Variants in ZNF804A observed in about 807,000 individuals in gnomAD.
The protein encoded by ZNF804A is zinc finger protein 804A.
ZNF804A carries 2 observed loss-of-function variants against 16.5 expected under a neutral mutation model. The ratio of observed to expected loss-of-function variants is 0.12; its 90% CI spans 0.05 to 0.38. The LOEUF (loss-of-function observed/expected upper bound fraction) is 0.38, where lower values mean the gene tolerates loss of function less well. ZNF804A is among the 10% of genes least tolerant of loss of function. The pLI, the probability that ZNF804A is intolerant of heterozygous loss-of-function variation, is 0.99. For synonymous variants in ZNF804A, 534 were observed against 489.6 expected (o/e 1.09, Z -1.20); for missense variants, 1,473 against 1,390.7 (o/e 1.06, Z -0.94).
rs138445107 is a variant in ZNF804A, at chr2:184,659,671, A to G, written c.111+60601A>G. ...ATGGGACTAGGAGCAAAACTCAGGC[A>G]TGGCTGACCCCAAAAGCCATGTTCT... On this transcript the variant is annotated intron_variant, in intron 1 of 3. Transcript: ENST00000302277. Among the ~76,000 whole-genome samples, 332 of 152,302 alleles carry G rather than the reference A, an allele frequency of 2.2e-3. 1 individual carries two copies. Among genetic ancestry groups the G allele is most frequent in the Non-Finnish European group, 3.8e-3 (256 of 68,024 alleles).
rs183758460 is a variant in ZNF804A, at chr2:184,900,836, A to T, written c.256-32767A>T. Reference sequence around the variant, plus strand: ...TACTGCCAGTGCTCCCAAGGGGGGTAATACACATCTGTCTGTATCCAAACA... The same window carrying T: ...TACTGCCAGTGCTCCCAAGGGGGGTTATACACATCTGTCTGTATCCAAACA... On this transcript the variant is annotated intron_variant, in intron 2 of 3. Transcript: ENST00000302277. 3.1e-4 allele frequency among the ~76,000 whole-genome samples: 47 copies of T among 152,268 alleles called. 1 individual carries two copies. Among genetic ancestry groups the T allele is most frequent in the South Asian group, 2.7e-3 (13 of 4,822 alleles).
At chr2:184,883,055 A>G (rs1335165830) in intron 2 of ZNF804A, among the ~76,000 whole-genome samples, 2 of 152,142 alleles carry the variant, frequency 1.3e-5, no homozygotes, top group Admixed American at 1.3e-4. Context: ...AAAGAAAAAC[A>G]GAGAGAAGAT....
chr2:184,816,070 A>G (rs1028122605), intron 1 of ZNF804A, among the ~76,000 whole-genome samples: 1 of 152,078 alleles, frequency 6.6e-6, no homozygotes, highest in Non-Finnish European at 1.5e-5. Flanking sequence ...ATCTTTCATC[A>G]TTCCATTTTC....
intron 2 of ZNF804A, among the ~76,000 whole-genome samples, chr2:184,930,060 A>C (rs184590753): frequency 8.5e-5 from 13 of 152,290 alleles, no homozygotes; most frequent in Admixed American, 4.6e-4. Context: ...ACACACAATG[A>C]AAGTAAAAAT....
At chr2:184,926,037 A>G (rs913579957) in intron 2 of ZNF804A, among the ~76,000 whole-genome samples, 1 of 152,030 alleles carries the variant, frequency 6.6e-6, no homozygotes, top group Non-Finnish European at 1.5e-5. Context: ...TAGTTTATAC[A>G]CCACTGTTAC....
intron 1 of ZNF804A, among the ~76,000 whole-genome samples, chr2:184,649,822 C>T (rs1457054106): frequency 7.6e-6 from 1 of 131,146 alleles, no homozygotes; most frequent in South Asian, 2.8e-4. Context: ...AAAAAACCTA[C>T]AAATCAACCA....
intron 1 of ZNF804A, among the ~76,000 whole-genome samples, chr2:184,823,303 T>C (rs560373140): frequency 6.6e-6 from 1 of 152,222 alleles, no homozygotes; most frequent in South Asian, 2.1e-4. Context: ...CCCACATGAT[T>C]TAACACCTCC....
At chr2:184,792,406 A>G (rs1292423960) in intron 1 of ZNF804A, among the ~76,000 whole-genome samples, 1 of 152,152 alleles carries the variant, frequency 6.6e-6, no homozygotes, top group Non-Finnish European at 1.5e-5. Flanking sequence ...AATTCCGTAA[A>G]GACATATGAT....
chr2:184,719,598 T>A (rs1044495912), intron 1 of ZNF804A, among the ~76,000 whole-genome samples: 1 of 152,150 alleles, frequency 6.6e-6, no homozygotes, highest in Admixed American at 6.5e-5. Context: ...ATACCCTAAA[T>A]CATCTCTCTC....
At chr2:184,753,539 T>C (rs1281300055) in intron 1 of ZNF804A, among the ~76,000 whole-genome samples, 1 of 151,802 alleles carries the variant, frequency 6.6e-6, no homozygotes, top group Non-Finnish European at 1.5e-5. Flanking sequence ...CTGTCTTGGA[T>C]GGCCTGTGAT....
chr2:184,898,854 A>G (rs999806071), intron 2 of ZNF804A, among the ~76,000 whole-genome samples: 5 of 151,990 alleles, frequency 3.3e-5, no homozygotes, highest in African/African-American at 1.2e-4. Flanking sequence ...AAAAATGTTG[A>G]TTGTTTACAA....
At chr2:184,742,198 A>G (rs1051522776) in intron 1 of ZNF804A, among the ~76,000 whole-genome samples, 5 of 151,970 alleles carry the variant, frequency 3.3e-5, no homozygotes, top group African/African-American at 9.7e-5. Context: ...ATAGACAAGT[A>G]TTTTTGTGCA....
chr2:184,892,822 C>T (rs1307005781), intron 2 of ZNF804A, among the ~76,000 whole-genome samples: 2 of 152,094 alleles, frequency 1.3e-5, no homozygotes, highest in Non-Finnish European at 2.9e-5. Flanking sequence ...ACAAACCTGA[C>T]GTCCTTACCT....
At chr2:184,721,482 AT>A (rs1002101022) in intron 1 of ZNF804A, among the ~76,000 whole-genome samples, 5 of 152,148 alleles carry the variant, frequency 3.3e-5, no homozygotes, top group African/African-American at 1.2e-4. Context: ...ATAAAAAAAA[AT>A]GCTTAACATC....
chr2:184,685,401 G>A (rs939290594), intron 1 of ZNF804A, among the ~76,000 whole-genome samples: 14 of 152,030 alleles, frequency 9.2e-5, no homozygotes, highest in African/African-American at 3.4e-4. Flanking sequence ...TATCTGCAAT[G>A]TGGCAAGCAG....
At chr2:184,698,242 TA>T (rs1353741052) in intron 1 of ZNF804A, among the ~76,000 whole-genome samples, 1 of 152,100 alleles carries the variant, frequency 6.6e-6, no homozygotes, top group Non-Finnish European at 1.5e-5. Flanking sequence ...ACAGAGAACA[TA>T]AAGGGTTCAA....
Position 184,938,717 on chromosome 2 carries a change from T to TGCAGCTGCTGCAGCTGCAGCTGCAGCC in ZNF804A, c.3330_3356dup (p.Ala1111_Ala1119dup), listed in dbSNP as rs775620983. On this transcript the variant is annotated inframe_insertion, in exon 4 of 4. Transcript: ENST00000302277. ...ATCACACTGTTTTGCAGCAGCACGC[T>TGCAGCTGCTGCAGCTGCAGCTGCAGCC]GCAGCTGCTGCAGCTGCAGCTGCAG... 1.2e-5 allele frequency: 20 copies of TGCAGCTGCTGCAGCTGCAGCTGCAGCC among 1,611,226 alleles called. No homozygotes were observed. The highest frequency in any genetic ancestry group is 2.7e-5 in the African/African-American group (2 of 74,660).
chr2:184,824,608 G>A (rs1337096666), intron 1 of ZNF804A, among the ~76,000 whole-genome samples: 1 of 151,916 alleles, frequency 6.6e-6, no homozygotes, highest in African/African-American at 2.4e-5. Flanking sequence ...TACTATTTCT[G>A]CCTAAGAACA....
At chr2:184,873,255 A>G (rs1361934225) in intron 2 of ZNF804A, among the ~76,000 whole-genome samples, 1 of 152,198 alleles carries the variant, frequency 6.6e-6, no homozygotes, top group Non-Finnish European at 1.5e-5. Flanking sequence ...TTGAAGACTG[A>G]GGCTGGCGGG....
Sources: allele counts gnomAD v4.1 joint callset (sites outside exome capture counted in the v4.1 genomes callset), GRCh38; gene constraint gnomAD v4.1.1; transcripts MANE v1.5; gene names NCBI Gene and HGNC (gene_info 2026-07-23, HGNC 2026-07-21).